Variants in MPP7 observed in about 807,000 individuals in gnomAD.
MPP7 encodes MAGUK p55 subfamily member 7.
A neutral mutation model predicts 76.5 loss-of-function variants in MPP7; 60 were observed. That is an observed-to-expected ratio of 0.78 (90% CI 0.64 to 0.97). MPP7 has a LOEUF of 0.97. MPP7 is among the 50% of genes least tolerant of loss of function. The pLI is 0.00. For synonymous variants in MPP7, 237 were observed against 244.5 expected, an observed-to-expected ratio of 0.97 and a Z score of 0.29; for missense variants, 641 against 694.0, an observed-to-expected ratio of 0.92 and a Z score of 0.86.
intron 11 of MPP7, among the ~76,000 whole-genome samples, chr10:28,103,016 T>C (rs1421515868): frequency 6.6e-6 from 1 of 152,248 alleles, no homozygotes; most frequent in African/African-American, 2.4e-5. Context: ...CCTCAATTCC[T>C]ATCACTCTCC....
At chr10:28,203,514 A>AAAAAC (rs1554851055) in intron 2 of MPP7, among the ~76,000 whole-genome samples, 3 of 147,404 alleles carry the variant, frequency 2.0e-5, no homozygotes, top group African/African-American at 7.4e-5. Flanking sequence ...AAAAAAAAAA[A>AAAAAC]AACCTTCTCT....
At chr10:28,195,775 A>T (rs1188651374) in intron 3 of MPP7, among the ~76,000 whole-genome samples, 1 of 152,204 alleles carries the variant, frequency 6.6e-6, no homozygotes, top group Non-Finnish European at 1.5e-5. Flanking sequence ...GGGGTGAAGG[A>T]TTTATTTTTG....
intron 1 of MPP7, among the ~76,000 whole-genome samples, chr10:28,288,123 G>A (rs542735957): frequency 1.4e-4 from 21 of 150,834 alleles, no homozygotes; most frequent in African/African-American, 4.1e-4. Context: ...GAAACCAGAC[G>A]TTATAGAGAA....
chr10:28,253,272 G>A (rs148683305), intron 1 of MPP7, among the ~76,000 whole-genome samples: 3 of 152,258 alleles, frequency 2.0e-5, no homozygotes, highest in East Asian at 3.9e-4. Flanking sequence ...TGGCAAGTGG[G>A]AAATTACTGA....
chr10:28,275,837 GTC>G (rs1554863284), intron 1 of MPP7, among the ~76,000 whole-genome samples: 1 of 151,834 alleles, frequency 6.6e-6, no homozygotes, highest in Non-Finnish European at 1.5e-5. Flanking sequence ...ATTATGATAG[GTC>G]TCCAACTCAC....
intron 3 of MPP7, among the ~76,000 whole-genome samples, chr10:28,171,398 T>C (rs893921932): frequency 6.6e-6 from 1 of 152,210 alleles, no homozygotes; most frequent in East Asian, 1.9e-4. Flanking sequence ...TTCTATGCTG[T>C]GGGAAAAGTC....
chr10:28,084,533 G>A (rs967471184), intron 12 of MPP7, among the ~76,000 whole-genome samples: 14 of 152,158 alleles, frequency 9.2e-5, no homozygotes, highest in African/African-American at 3.1e-4. Context: ...AGACCTCCAG[G>A]TGACCAGAAT....
intron 5 of MPP7, among the ~76,000 whole-genome samples, chr10:28,144,773 A>G (rs1191821881): frequency 2.0e-5 from 3 of 152,086 alleles, no homozygotes; most frequent in African/African-American, 7.2e-5. Context: ...CGCCATTCCT[A>G]TGTATCCCAT....
chr10:28,053,899 C>G lies in MPP7; in HGVS notation c.*166G>C, dbSNP rs966658466. ...TTTCGGATCTTATACTAACACATGG[C>G]GTTTGAAATAAGGCTGTAAAAAGAT... On this transcript the variant is annotated 3_prime_UTR_variant, in exon 17 of 17. Transcript: ENST00000683449. 1 of 626,582 alleles carries G rather than the reference C, an allele frequency of 1.6e-6. No individual in the cohort carries two copies. The highest frequency in any genetic ancestry group is 1.8e-5 in the African/African-American group (1 of 54,256). The allele number at this position is 626,582 out of a possible 1,614,324, so 38.8% of individuals were successfully genotyped here.
intron 11 of MPP7, among the ~76,000 whole-genome samples, chr10:28,117,738 A>T (rs556848452): frequency 1.0e-3 from 153 of 152,272 alleles, no homozygotes; most frequent in African/African-American, 3.4e-3. Context: ...TAGAATTTCA[A>T]TTCTTTGAGA....
chr10:28,297,103 T>C (rs1589038333), intron 1 of MPP7, among the ~76,000 whole-genome samples: 2 of 152,214 alleles, frequency 1.3e-5, no homozygotes, highest in East Asian at 1.9e-4. Context: ...AGATATCACA[T>C]GTTCCATTCC....
rs537663568 is a variant in MPP7, at chr10:28,100,066, T to A, written c.953-10225A>T. On this transcript the variant is annotated intron_variant, in intron 11 of 16. Transcript: ENST00000683449. ...GCAAATATTTAACTGATTCAATAGG[T>A]ACCTTAACTACAAGGAAAAAAAAAA... Among the ~76,000 whole-genome samples, 3 of 149,574 alleles carry A rather than the reference T, an allele frequency of 2.0e-5. No individual in the cohort carries two copies. In the South Asian group the frequency reaches 6.3e-4, roughly 31 times the overall value.
chr10:28,102,449 A>C (rs1853868866), intron 11 of MPP7, among the ~76,000 whole-genome samples: 1 of 152,236 alleles, frequency 6.6e-6, no homozygotes, highest in African/African-American at 2.4e-5. Context: ...GGTCAGTAAG[A>C]ATCATACCAC....
chr10:28,142,222 T>C (rs905511278), intron 5 of MPP7, among the ~76,000 whole-genome samples: 2 of 152,228 alleles, frequency 1.3e-5, no homozygotes, highest in East Asian at 1.9e-4. Flanking sequence ...AGAAAATGCA[T>C]GTAAGATTAA....
chr10:28,100,106 ACTT>A (rs1190069763), intron 11 of MPP7, among the ~76,000 whole-genome samples: 6 of 143,078 alleles, frequency 4.2e-5, no homozygotes, highest in Non-Finnish European at 7.4e-5. Flanking sequence ...CTATAAGTGA[ACTT>A]CTTAAGAAGA....
In MPP7 at chr10:28,184,971, ATAT is replaced by A. The variant is rs557029055; in HGVS notation, c.156+17179_156+17181del. Among the ~76,000 whole-genome samples the A allele has an allele frequency of 5.8e-3, 859 of 147,244 alleles. 6 individuals carry two copies. The highest frequency in any genetic ancestry group is 0.02 in the African/African-American group (819 of 40,612). On this transcript the variant is annotated intron_variant, in intron 3 of 16. Coordinates refer to ENST00000683449, the MANE Select transcript of MPP7 (RefSeq NM_001318170.2). Reference sequence around the variant, plus strand: ...AATAATATAATATATTTATCTTAATATATTATTTATTAATTGATATATTAATAT... The same window carrying A: ...AATAATATAATATATTTATCTTAATATATTTATTAATTGATATATTAATAT...
intron 1 of MPP7, among the ~76,000 whole-genome samples, chr10:28,266,470 T>C (rs532561580): frequency 2.6e-5 from 4 of 152,000 alleles, no homozygotes; most frequent in Non-Finnish European, 5.9e-5. Flanking sequence ...AGTTAACATA[T>C]GAGGCAGAAG....
chr10:28,177,657 G>A (rs1836920291), intron 3 of MPP7, among the ~76,000 whole-genome samples: 2 of 152,168 alleles, frequency 1.3e-5, no homozygotes, highest in South Asian at 2.1e-4. Flanking sequence ...TTAAAGATAC[G>A]GATCTCTTCT....
intron 1 of MPP7, among the ~76,000 whole-genome samples, chr10:28,251,098 A>G (rs1839598685): frequency 6.6e-6 from 1 of 152,236 alleles, no homozygotes; most frequent in African/African-American, 2.4e-5. Flanking sequence ...TGAAACTAAA[A>G]ATAAACACCC....
Sources: gnomAD v4.1 joint callset for allele counts (sites outside exome capture counted in the v4.1 genomes callset) on GRCh38, gnomAD v4.1.1 for gene constraint, MANE v1.5 for transcripts, NCBI Gene and HGNC (gene_info 2026-07-23, HGNC 2026-07-21) for gene names.